The following GAPVD1 variants were observed in gnomAD, a reference collection of about 807,000 sequenced individuals.
The protein encoded by GAPVD1 is GTPase activating protein and VPS9 domains 1.
GAPVD1 carries 35 observed loss-of-function variants against 155.5 expected under a neutral mutation model. The ratio of observed to expected loss-of-function variants is 0.23; its 90% CI spans 0.17 to 0.30. The LOEUF (loss-of-function observed/expected upper bound fraction) is 0.30, where lower values mean the gene tolerates loss of function less well. Among genes scored for constraint, GAPVD1 ranks in the 10% least tolerant of loss-of-function variants. GAPVD1 has a pLI of 1.00. For missense variants in GAPVD1, 1,429 were observed against 1,775.7 expected, an observed-to-expected ratio of 0.80 and a Z score of 3.51; for synonymous variants, 636 against 619.7, an observed-to-expected ratio of 1.03 and a Z score of -0.39.
intron 2 of GAPVD1, among the ~76,000 whole-genome samples, chr9:125,293,844 AATATATTTTAT>A (rs1461040809): frequency 2.5e-4 from 17 of 69,110 alleles, no homozygotes; most frequent in Admixed American, 4.3e-4. Flanking sequence ...TATATATAAA[AATATATTTTAT>A]ATATATATAT....
intron 8 of GAPVD1, among the ~76,000 whole-genome samples, chr9:125,312,037 T>A (rs565934106): frequency 2.6e-4 from 40 of 152,286 alleles, no homozygotes; most frequent in Admixed American, 1.8e-3. Context: ...GCTTGTAAGC[T>A]CAGTTATTGG....
chr9:125,314,977 CAG>C (rs1843193158), intron 9 of GAPVD1, among the ~76,000 whole-genome samples: 1 of 151,904 alleles, frequency 6.6e-6, no homozygotes. Flanking sequence ...TTAGTAGAGA[CAG>C]GGTTTCACCA....
intron 9 of GAPVD1, 135 bp downstream of exon 9, chr9:125,312,747 A>G (rs1842837357): frequency 3.4e-6 from 2 of 594,854 alleles, no homozygotes; most frequent in South Asian, 2.6e-5. Flanking sequence ...CAGGAAGTCT[A>G]TAGTCAAGGC....
intron 6 of GAPVD1, 85 bp downstream of exon 6, chr9:125,305,234 A>G: frequency 1.2e-6 from 1 of 840,848 alleles, no homozygotes; most frequent in Non-Finnish European, 2.0e-6. Context: ...CTTAGGTGAT[A>G]TCTAAATTAA....
Position 125,355,717 on chromosome 9 carries a change from A to G in GAPVD1, c.3831A>G (p.Ala1277=), listed in dbSNP as rs750730740. 4.3e-6 allele frequency: 7 copies of G among 1,613,622 alleles called. No homozygotes were observed. Among genetic ancestry groups the G allele is most frequent in the Admixed American group, 3.3e-5 (2 of 60,012 alleles). The change falls in exon 25 of 28, where the codon GCA becomes GCG. Residue 1277 remains alanine (A), a synonymous_variant. Transcript: ENST00000297933. ...ATTTTCTGCAGTTTCTTTATGGTGC[A>G]ATGGCCCAGGATGTCATATGGCAAA... The part of the protein sequence containing the change: ...VEDFLQFLYG[A]MAQDVIWQNA...
intron 3 of GAPVD1, among the ~76,000 whole-genome samples, chr9:125,297,281 G>A (rs1840036729): frequency 6.6e-6 from 1 of 152,186 alleles, no homozygotes; most frequent in Non-Finnish European, 1.5e-5. Flanking sequence ...ACAAGGCTTG[G>A]CCCTGCTGTC....
At position 125,307,518 on chromosome 9, in the gene GAPVD1, T is replaced by C; in HGVS notation, c.1222T>C (p.Tyr408His). 6.2e-7 allele frequency: 1 copy of C among 1,612,254 alleles called. No homozygotes were observed. Among genetic ancestry groups the C allele is most frequent in the South Asian group, 1.1e-5 (1 of 90,856 alleles). The change falls in exon 7 of 28, where the codon TAT becomes CAT. Residue 408 changes from tyrosine (Y) to histidine (H), a missense_variant. By Grantham distance (83) the Tyr-to-His change is moderately conservative. Transcript: ENST00000297933. ...LLEGLSRTVV[Y>H]ITYSQLITLV... Reference sequence around the variant, plus strand: ...GGAAGGATTGAGCAGAACTGTGGTTTATATAACCTACAGTCAGCTTATTAC... The same window carrying C: ...GGAAGGATTGAGCAGAACTGTGGTTCATATAACCTACAGTCAGCTTATTAC...
rs1392154799 is a variant in GAPVD1 at position 125,362,931 on chromosome 9, T to G, written c.*185T>G. The G allele has an allele frequency of 1.5e-5, 6 of 395,396 alleles. No homozygotes were observed. Among genetic ancestry groups the G allele is most frequent in the African/African-American group, 8.3e-5 (4 of 48,166 alleles). 24.5% of individuals were successfully genotyped at this position (395,396 alleles called of 1,614,324 possible). ...CAAGCAGGTTCTCTCGTCTTTGGGC[T>G]CTTTCCTTTCTGAGTTGCATATTCT... is the stretch of plus-strand genomic sequence containing the variant. On this transcript the variant is annotated 3_prime_UTR_variant, in exon 28 of 28. Coordinates refer to ENST00000297933, the MANE Select transcript of GAPVD1 (RefSeq NM_001282680.3).
intron 8 of GAPVD1, chr9:125,308,237 T>G (rs1842149593): frequency 3.7e-6 from 1 of 270,780 alleles, no homozygotes. Context: ...TCCCTGCTAC[T>G]TGGGAGGCTG....
At chr9:125,269,710 CTTTTTTTTT>C (rs951306489) in intron 2 of GAPVD1, among the ~76,000 whole-genome samples, 4 of 52,704 alleles carry the variant, frequency 7.6e-5, no homozygotes, top group South Asian at 6.3e-4. Flanking sequence ...CCATGCCTGG[CTTTTTTTTT>C]TTTTTTTTTT....
chr9:125,308,939 A>C (rs924625927), intron 8 of GAPVD1: 1 of 152,248 alleles, frequency 6.6e-6, no homozygotes, highest in African/African-American at 2.4e-5. Flanking sequence ...ATCTTGGAGC[A>C]GGTGAAGTCT....
Position 125,342,227 on chromosome 9 carries a change from C to T in GAPVD1, c.2974C>T (p.Pro992Ser). 1 of 1,536,808 alleles carries T rather than the reference C, an allele frequency of 6.5e-7. No individual in the cohort carries two copies. Among genetic ancestry groups the T allele is most frequent in the Non-Finnish European group, 9.0e-7 (1 of 1,109,458 alleles). ...CTTTATTTAATTTCCAGCTCCTATA[C>T]CATTTAGAAAGAAAGAAAAACAAGA... ...FVSAMPKAPIPFRKKEKQEKD... is the reference protein window; with the variant it reads ...FVSAMPKAPISFRKKEKQEKD... The change falls in exon 19 of 28, where the codon CCA becomes TCA. Residue 992 changes from proline (P) to serine (S), a missense_variant. Physicochemically the swap from Pro to Ser is moderately conservative, Grantham distance 74 (BLOSUM62 -1). This residue lies in a region of GAPVD1 where 699 missense variants were observed against 826.0 expected (regional missense o/e 0.85). Transcript: ENST00000297933.
At chr9:125,341,405 G>C (rs942054600) in intron 18 of GAPVD1, 141 bp downstream of exon 18, 7 of 581,128 alleles carry the variant, frequency 1.2e-5, no homozygotes, top group Non-Finnish European at 1.8e-5. Flanking sequence ...GTAGAAAGTG[G>C]TTCCACTCAG....
chr9:125,262,148 G>C (rs1273772662), intron 1 of GAPVD1, among the ~76,000 whole-genome samples, 189 bp downstream of exon 1: 1 of 152,170 alleles, frequency 6.6e-6, no homozygotes, highest in Non-Finnish European at 1.5e-5. Flanking sequence ...GTTAGACCCA[G>C]GGGAGAGATG....
chr9:125,337,684 A>G, intron 17 of GAPVD1, 93 bp downstream of exon 17: 1 of 1,185,206 alleles, frequency 8.4e-7, no homozygotes, highest in South Asian at 1.5e-5. Context: ...ATCTAGGATT[A>G]CAGATAGAGA....
chr9:125,302,213 A>T lies in GAPVD1; in HGVS notation c.416A>T (p.Asn139Ile). The T allele has an allele frequency of 6.2e-7, 1 of 1,613,694 alleles. No homozygotes were observed. Among genetic ancestry groups the T allele is most frequent in the Non-Finnish European group, 8.5e-7 (1 of 1,179,638 alleles). ...IYTVFTSLYG[N>I]CIMQEDESYL... ...ACAGTTTTTACCTCCCTGTATGGCAATTGCATCATGCAAGAAGATGAAAGC... is the reference window on the plus strand; with the variant it reads ...ACAGTTTTTACCTCCCTGTATGGCATTTGCATCATGCAAGAAGATGAAAGC... Residue 139 changes from asparagine (N) to isoleucine (I), a missense_variant, in exon 5 of 28, where the codon AAT becomes ATT. Asn to Ile is a moderately radical substitution (Grantham distance 149). This residue lies in a region of GAPVD1 where 628 missense variants were observed against 733.4 expected (regional missense o/e 0.86). Coordinates refer to ENST00000297933, the MANE Select transcript of GAPVD1 (RefSeq NM_001282680.3).
chr9:125,362,219 C>T (rs1851035733), intron 27 of GAPVD1, among the ~76,000 whole-genome samples: 2 of 152,092 alleles, frequency 1.3e-5, no homozygotes, highest in Admixed American at 1.3e-4. Flanking sequence ...TTTTTTCTTT[C>T]TCAGCTTATT....
rs149200492 is a variant in GAPVD1 at position 125,263,564 on chromosome 9, A to G, written c.-199+1605A>G. The G allele has an allele frequency of 2.8e-4, 379 of 1,373,206 alleles. No individual in the cohort carries two copies. The African/African-American group carries it at 4.7e-3, about 17-fold the overall frequency. 85.1% of individuals were successfully genotyped at this position (1,373,206 alleles called of 1,614,324 possible). On this transcript the variant is annotated intron_variant, in intron 1 of 27. Coordinates refer to ENST00000297933, the MANE Select transcript of GAPVD1 (RefSeq NM_001282680.3). Reference sequence around the variant, plus strand: ...TTTGGTTGTAAGTTTATTCAATGCAAAAGAATCCTCTCCAATTTTACTGAG... The same window carrying G: ...TTTGGTTGTAAGTTTATTCAATGCAGAAGAATCCTCTCCAATTTTACTGAG...
chr9:125,342,075 A>G, intron 18 of GAPVD1, 144 bp from the exon 19 acceptor site: 2 of 581,694 alleles, frequency 3.4e-6, no homozygotes, highest in South Asian at 4.6e-5. Context: ...TTACTATTTT[A>G]AGGACAATTA....
Sources: gnomAD v4.1 joint callset for allele counts (sites outside exome capture counted in the v4.1 genomes callset) on GRCh38, gnomAD v4.1.1 for gene constraint, gnomAD v4.1.1 regional missense constraint, MANE v1.5 for transcripts, NCBI Gene and HGNC (gene_info 2026-07-23, HGNC 2026-07-21) for gene names.